The following TYW1B variants were observed in gnomAD, a reference collection of about 807,000 sequenced individuals.
The protein encoded by TYW1B is tRNA-yW synthesizing protein 1 homolog B, also known as S-adenosyl-L-methionine-dependent tRNA 4-demethylwyosine synthase TYW1B.
Under a neutral mutation model 86.9 loss-of-function variants are expected in TYW1B, and 73 were observed. The observed-to-expected ratio is 0.84, with a 90% CI of 0.70 to 1.02. TYW1B has a LOEUF of 1.02. Ranked by LOEUF, TYW1B falls within the 50% of genes least tolerant of loss-of-function variation. The pLI is 0.00. For missense variants in TYW1B, 637 were observed against 827.4 expected, an observed-to-expected ratio of 0.77 and a Z score of 2.82; for synonymous variants, 248 against 292.8, an observed-to-expected ratio of 0.85 and a Z score of 1.56.
rs1309173659 is a variant in TYW1B at position 72,720,485 on chromosome 7, CA to C, written c.1193-6688del. Among the ~76,000 whole-genome samples the C allele has an allele frequency of 2.6e-5, 4 of 151,844 alleles. No individual in the cohort carries two copies. In the East Asian group the frequency reaches 5.8e-4, roughly 22 times the overall value. On this transcript the variant is annotated intron_variant, in intron 9 of 13. Coordinates refer to ENST00000620995, the MANE Select transcript of TYW1B (RefSeq NM_001145440.3). ...TCACAAAAACAAACAAAATACAAGACAAAAAAAATTCTTGATGATCAACTTT... is the reference window on the plus strand; with the variant it reads ...TCACAAAAACAAACAAAATACAAGACAAAAAAATTCTTGATGATCAACTTT...
chr7:72,749,529 T>C (rs1554464506), intron 7 of TYW1B, among the ~76,000 whole-genome samples: 1 of 152,166 alleles, frequency 6.6e-6, no homozygotes, highest in African/African-American at 2.4e-5. Context: ...CCCAACCTCG[T>C]GATCTGCCCA....
intron 13 of TYW1B, among the ~76,000 whole-genome samples, chr7:72,581,888 C>T (rs1811161257): frequency 6.6e-6 from 1 of 152,010 alleles, no homozygotes; most frequent in South Asian, 2.1e-4. Flanking sequence ...CTGCCTCAGC[C>T]TCCAGGGTAG....
chr7:72,742,704 A>C (rs1181921240), intron 8 of TYW1B, among the ~76,000 whole-genome samples: 2 of 152,154 alleles, frequency 1.3e-5, no homozygotes, highest in African/African-American at 4.8e-5. Flanking sequence ...CTACTTGCTA[A>C]AATTTATTTG....
chr7:72,659,408 T>C (rs1412836359), intron 11 of TYW1B, among the ~76,000 whole-genome samples: 1 of 151,944 alleles, frequency 6.6e-6, no homozygotes, highest in East Asian at 1.9e-4. Context: ...GTGAAACCTG[T>C]CTCTACTAAA....
At chr7:72,748,349 AATTT>A (rs568395042) in intron 7 of TYW1B, among the ~76,000 whole-genome samples, 140 of 152,236 alleles carry the variant, frequency 9.2e-4, no homozygotes, top group South Asian at 8.9e-3. Context: ...GGTTCTAGGA[AATTT>A]ATTTGTCATT....
At chr7:72,613,201 A>T (rs535985924) in intron 13 of TYW1B, among the ~76,000 whole-genome samples, 6 of 152,142 alleles carry the variant, frequency 3.9e-5, no homozygotes, top group African/African-American at 1.2e-4. Context: ...TGCCTAGATT[A>T]GGGGTTGGGT....
intron 9 of TYW1B, among the ~76,000 whole-genome samples, chr7:72,717,276 G>A (rs1250931710): frequency 2.6e-5 from 4 of 151,486 alleles, no homozygotes; most frequent in East Asian, 2.0e-4. Context: ...CCTCTAGCCT[G>A]GGCAACAGGG....
rs1554439952 is a variant in TYW1B, at chr7:72,632,320, AT to A, written c.1507-3324del. ...ATATACGTGTATATATATTATATAT[AT>A]TATATATATATACACGTATATATAT... On this transcript the variant is annotated intron_variant, in intron 11 of 13. Transcript: ENST00000620995. 6.5e-3 allele frequency among the ~76,000 whole-genome samples: 418 copies of A among 63,892 alleles called. 7 individuals are homozygous for A. Among genetic ancestry groups the A allele is most frequent in the African/African-American group, 0.023 (190 of 8,258 alleles). The allele number at this position is 63,892 out of a possible 152,430, so 41.9% of individuals were successfully genotyped here.
chr7:72,806,419 A>G (rs1554476706), intron 5 of TYW1B, among the ~76,000 whole-genome samples: 1 of 152,006 alleles, frequency 6.6e-6, no homozygotes, highest in Non-Finnish European at 1.5e-5. Flanking sequence ...TATTTTTAGT[A>G]GAGGTGGGGT....
intron 4 of TYW1B, among the ~76,000 whole-genome samples, chr7:72,808,810 T>C (rs1229432412): frequency 2.6e-5 from 4 of 151,992 alleles, no homozygotes; most frequent in African/African-American, 9.7e-5. Flanking sequence ...TACAGGCTTG[T>C]GCCACTGCAC....
rs1258360265 is a variant in TYW1B, at chr7:72,605,431, G to A, written c.1785+11241C>T. 2.0e-5 allele frequency among the ~76,000 whole-genome samples: 3 copies of A among 151,096 alleles called. No homozygotes were observed. The East Asian group carries it at 5.9e-4, about 29-fold the overall frequency. On this transcript the variant is annotated intron_variant, in intron 13 of 13. Transcript: ENST00000620995. ...TGCAGTGGCGCAATCTCGGCTCACT[G>A]CAATCTCCGCCTCCCTGGTTGAAGC...
chr7:72,755,464 C>T (rs1787570683), intron 7 of TYW1B, among the ~76,000 whole-genome samples: 1 of 151,848 alleles, frequency 6.6e-6, no homozygotes, highest in South Asian at 2.1e-4. Context: ...TCATGAGAGT[C>T]CAGGAGTTCA....
At chr7:72,603,849 C>G (rs1647922007) in intron 13 of TYW1B, among the ~76,000 whole-genome samples, 2 of 152,190 alleles carry the variant, frequency 1.3e-5, no homozygotes, top group South Asian at 2.1e-4. Flanking sequence ...GAGTACCCCT[C>G]AAAGCTATCA....
chr7:72,683,009 C>G (rs549017542), intron 11 of TYW1B, among the ~76,000 whole-genome samples: 1 of 152,172 alleles, frequency 6.6e-6, no homozygotes, highest in Non-Finnish European at 1.5e-5. Context: ...GAAACAGGAA[C>G]CATTTGACAT....
intron 13 of TYW1B, among the ~76,000 whole-genome samples, chr7:72,603,322 T>TGGACG (rs1811718950): frequency 4.4e-5 from 6 of 137,866 alleles, no homozygotes; most frequent in African/African-American, 1.6e-4. Context: ...GACAGATAGA[T>TGGACG]GATGGATGGA....
chr7:72,732,204 ACT>A (rs1554460083), intron 8 of TYW1B, among the ~76,000 whole-genome samples: 1 of 152,114 alleles, frequency 6.6e-6, no homozygotes, highest in Non-Finnish European at 1.5e-5. Flanking sequence ...TCAACATCAC[ACT>A]CTCTCAGAAT....
intron 7 of TYW1B, among the ~76,000 whole-genome samples, chr7:72,758,450 A>G (rs1787631078): frequency 6.6e-6 from 1 of 151,372 alleles, no homozygotes; most frequent in African/African-American, 2.4e-5. Context: ...CTTAGAAAAA[A>G]CATTTTTTTC....
At chr7:72,808,196 T>C (rs1348997028) in intron 4 of TYW1B, among the ~76,000 whole-genome samples, 1 of 152,142 alleles carries the variant, frequency 6.6e-6, no homozygotes, top group Non-Finnish European at 1.5e-5. Flanking sequence ...CTCACGCCTA[T>C]AATTCCAGCA....
At chr7:72,648,215 T>G (rs1452560681) in intron 11 of TYW1B, among the ~76,000 whole-genome samples, 1 of 152,134 alleles carries the variant, frequency 6.6e-6, no homozygotes, top group African/African-American at 2.4e-5. Context: ...TTGATATGCC[T>G]GATCTCCGCT....
Sources: allele counts gnomAD v4.1 joint callset (sites outside exome capture counted in the v4.1 genomes callset), GRCh38; gene constraint gnomAD v4.1.1; transcripts MANE v1.5; gene names NCBI Gene and HGNC (gene_info 2026-07-23, HGNC 2026-07-21).